Variants in SLC39A9 observed in about 807,000 individuals in gnomAD.
SLC39A9 encodes the protein solute carrier family 39 member 9.
SLC39A9 carries 14 observed loss-of-function variants against 28.4 expected under a neutral mutation model. The ratio of observed to expected loss-of-function variants is 0.49; its 90% confidence interval spans 0.33 to 0.77. SLC39A9 has a LOEUF of 0.77. Ranked by LOEUF, SLC39A9 falls within the 30% of genes least tolerant of loss-of-function variation. SLC39A9 has a pLI of 0.02. For missense variants in SLC39A9, 283 were observed against 381.1 expected (o/e 0.74, Z 2.14); for synonymous variants, 119 against 149.6 (o/e 0.80, Z 1.49).
intron 3 of SLC39A9, among the ~76,000 whole-genome samples, chr14:69,447,564 G>T (rs1219587569): frequency 6.6e-6 from 1 of 152,126 alleles, no homozygotes; most frequent in African/African-American, 2.4e-5. Context: ...TCGGTCTCCA[G>T]CTGACCCTGA....
At chr14:69,451,250 C>T (rs990433700) in intron 3 of SLC39A9, among the ~76,000 whole-genome samples, 1 of 152,186 alleles carries the variant, frequency 6.6e-6, no homozygotes, top group Admixed American at 6.5e-5. Flanking sequence ...TAATATCTTA[C>T]TTTACTTGTA....
chr14:69,398,849 G>T lies in SLC39A9; in HGVS notation c.-521G>T, dbSNP rs574779324. 190 of 196,998 alleles carry T rather than the reference G, an allele frequency of 9.6e-4. 1 individual carries two copies. Among genetic ancestry groups the T allele is most frequent in the South Asian group, 1.7e-3 (22 of 13,140 alleles). 12.2% of individuals were successfully genotyped at this position (196,998 alleles called of 1,614,324 possible). On this transcript the variant is annotated 5_prime_UTR_variant, in exon 1 of 7. Coordinates refer to ENST00000336643, the MANE Select transcript of SLC39A9 (RefSeq NM_018375.5). ...CCCTAGGACCCATCGTTAGAGACCT[G>T]CAGGACTCCTTTCCTCATCCCAGGC...
At chr14:69,453,602 C>T (rs952177636) in intron 4 of SLC39A9, among the ~76,000 whole-genome samples, 1 of 152,032 alleles carries the variant, frequency 6.6e-6, no homozygotes, top group Non-Finnish European at 1.5e-5. Context: ...TATTGGAACA[C>T]AGCCTTGCCC....
chr14:69,451,023 T>C (rs577624544), intron 3 of SLC39A9, among the ~76,000 whole-genome samples: 1 of 152,356 alleles, frequency 6.6e-6, no homozygotes, highest in African/African-American at 2.4e-5. Context: ...AAAAACTTTC[T>C]AATTTTAAAG....
chr14:69,410,386 G>T (rs1883199653), intron 1 of SLC39A9, among the ~76,000 whole-genome samples: 1 of 152,108 alleles, frequency 6.6e-6, no homozygotes, highest in Non-Finnish European at 1.5e-5. Flanking sequence ...TGATGATGTT[G>T]AAGACAAGTA....
At chr14:69,404,050 A>AG (rs1241472237) in intron 1 of SLC39A9, among the ~76,000 whole-genome samples, 1 of 152,202 alleles carries the variant, frequency 6.6e-6, no homozygotes, top group African/African-American at 2.4e-5. Flanking sequence ...TCTCAAAAAA[A>AG]CAAAAAACAA....
At chr14:69,412,521 A>T (rs1883332157) in intron 1 of SLC39A9, among the ~76,000 whole-genome samples, 1 of 152,198 alleles carries the variant, frequency 6.6e-6, no homozygotes, top group African/African-American at 2.4e-5. Context: ...CAAGGAATAT[A>T]TGAGGTCTAT....
intron 3 of SLC39A9, among the ~76,000 whole-genome samples, chr14:69,449,537 A>G (rs1330352881): frequency 2.0e-5 from 3 of 151,958 alleles, no homozygotes; most frequent in Non-Finnish European, 2.9e-5. Flanking sequence ...AGATGGGAGG[A>G]TTGCTTGAGC....
chr14:69,442,369 T>G, intron 3 of SLC39A9, 103 bp downstream of exon 3: 1 of 1,111,890 alleles, frequency 9.0e-7, no homozygotes, highest in Non-Finnish European at 1.3e-6. Flanking sequence ...TATTTAGTGC[T>G]AAAACTCTTG....
chr14:69,436,290 ATAGT>A (rs1194025670), intron 2 of SLC39A9, among the ~76,000 whole-genome samples: 4 of 152,202 alleles, frequency 2.6e-5, no homozygotes, highest in African/African-American at 9.7e-5. Flanking sequence ...CTTAGAGAAC[ATAGT>A]TAGAGTAGCT....
chr14:69,425,497 AAT>A (rs1594922182), intron 2 of SLC39A9, among the ~76,000 whole-genome samples: 1 of 152,270 alleles, frequency 6.6e-6, no homozygotes, highest in East Asian at 1.9e-4. Context: ...GGATCCCGGG[AAT>A]ATCTATTTTT....
chr14:69,426,740 T>C lies in SLC39A9; in HGVS notation c.205+2538T>C, dbSNP rs79792077. On this transcript the variant is annotated intron_variant, in intron 2 of 6. Coordinates refer to ENST00000336643, the MANE Select transcript of SLC39A9 (RefSeq NM_018375.5). ...CAGGAGAAGGTCAGAAGCCTGCTGT[T>C]GAGGCCTAACACACCCAACAGTATA... 2.9e-3 allele frequency among the ~76,000 whole-genome samples: 448 copies of C among 152,348 alleles called. 3 individuals carry two copies. Among genetic ancestry groups the C allele is most frequent in the African/African-American group, 0.01 (436 of 41,594 alleles).
At chr14:69,454,159 T>C (rs576344268) in intron 4 of SLC39A9, among the ~76,000 whole-genome samples, 1 of 152,384 alleles carries the variant, frequency 6.6e-6, no homozygotes, top group East Asian at 1.9e-4. Context: ...GGTGGTACAC[T>C]GTTACCTGGC....
chr14:69,407,563 A>G (rs1417136636), intron 1 of SLC39A9, among the ~76,000 whole-genome samples: 6 of 151,364 alleles, frequency 4.0e-5, no homozygotes, highest in Non-Finnish European at 8.8e-5. Flanking sequence ...TCCTTACCTC[A>G]GGTGGTCTGC....
intron 1 of SLC39A9, among the ~76,000 whole-genome samples, chr14:69,404,702 A>G (rs1437255132): frequency 2.6e-5 from 4 of 152,148 alleles, no homozygotes; most frequent in African/African-American, 9.7e-5. Context: ...GGTTTGCATT[A>G]CTATTTACCA....
intron 3 of SLC39A9, among the ~76,000 whole-genome samples, chr14:69,449,654 G>T (rs1045063182): frequency 1.3e-5 from 2 of 152,090 alleles, no homozygotes; most frequent in African/African-American, 2.4e-5. Context: ...AAGAAACAAG[G>T]ATGGTCGAAT....
chr14:69,415,272 A>G (rs886607877), intron 1 of SLC39A9, among the ~76,000 whole-genome samples: 3 of 152,316 alleles, frequency 2.0e-5, no homozygotes, highest in Middle Eastern at 3.4e-3. Flanking sequence ...CAGTTGCTCT[A>G]TATCTTGTAA....
At chr14:69,444,730 C>A (rs1044554933) in intron 3 of SLC39A9, among the ~76,000 whole-genome samples, 9 of 152,252 alleles carry the variant, frequency 5.9e-5, no homozygotes, top group African/African-American at 1.9e-4. Context: ...TTGGAAAATA[C>A]TTAAATGTTC....
intron 1 of SLC39A9, among the ~76,000 whole-genome samples, chr14:69,417,329 T>C (rs1883630365): frequency 6.6e-6 from 1 of 152,252 alleles, no homozygotes; most frequent in South Asian, 2.1e-4. Context: ...TCTATTGGTC[T>C]ATCTTTCTGT....
Sources: allele counts gnomAD v4.1 joint callset (sites outside exome capture counted in the v4.1 genomes callset), GRCh38; gene constraint gnomAD v4.1.1; transcripts MANE v1.5; gene names NCBI Gene and HGNC (gene_info 2026-07-23, HGNC 2026-07-21).